The following CALN1 variants were observed in gnomAD, a reference collection of about 807,000 sequenced individuals.
CALN1 encodes calneuron 1.
CALN1 carries 17 observed loss-of-function variants against 30.6 expected under a neutral mutation model. The observed-to-expected ratio is 0.56, with a 90% CI of 0.38 to 0.83. The LOEUF (loss-of-function observed/expected upper bound fraction) is 0.83. Ranked by LOEUF, CALN1 falls within the 40% of genes least tolerant of loss-of-function variation. The pLI is 0.00. For synonymous variants in CALN1, 156 were observed against 131.4 expected, an observed-to-expected ratio of 1.19 and a Z score of -1.28; for missense variants, 291 against 354.9, an observed-to-expected ratio of 0.82 and a Z score of 1.45.
chr7:72,463,596 G>C, the CALN1 span, among the ~76,000 whole-genome samples: 5 of 152,070 alleles, frequency 3.3e-5, no homozygotes, highest in Non-Finnish European at 7.4e-5. Context: ...GTCTCACTCT[G>C]TCTCCCAGAT....
chr7:71,937,627 T>A lies in CALN1; in HGVS notation c.501+86030A>T, dbSNP rs181251136. On this transcript the variant is annotated intron_variant, in intron 5 of 6. Transcript: ENST00000395275. Reference sequence around the variant, plus strand: ...TTAAGCTGTTAGGGCTACAAGTGTGTACCATTACATCCAGCTAATTTTAAA... The same window carrying A: ...TTAAGCTGTTAGGGCTACAAGTGTGAACCATTACATCCAGCTAATTTTAAA... Among the ~76,000 whole-genome samples, 11 of 152,032 alleles carry A rather than the reference T, an allele frequency of 7.2e-5. No individual in the cohort carries two copies. The East Asian group carries it at 2.1e-3, about 29-fold the overall frequency.
chr7:72,169,961 G>A (rs1788821075), intron 3 of CALN1, among the ~76,000 whole-genome samples: 1 of 151,656 alleles, frequency 6.6e-6, no homozygotes, highest in African/African-American at 2.4e-5. Context: ...CCGAAGTGCT[G>A]GGATTACGGG....
chr7:71,857,058 G>A (rs1419766166), intron 5 of CALN1, among the ~76,000 whole-genome samples: 1 of 147,242 alleles, frequency 6.8e-6, no homozygotes, highest in Non-Finnish European at 1.5e-5. Context: ...GTGTGTGTGT[G>A]TTGCAAACTA....
intron 1 of CALN1, among the ~76,000 whole-genome samples, chr7:72,405,991 C>A (rs1344797840): frequency 1.3e-5 from 2 of 152,244 alleles, no homozygotes; most frequent in East Asian, 1.9e-4. Context: ...TGGAACCTGC[C>A]CACAGCTCAA....
chr7:72,041,875 A>G (rs1802153248), intron 4 of CALN1, among the ~76,000 whole-genome samples: 1 of 152,164 alleles, frequency 6.6e-6, no homozygotes. Context: ...GCCTGCCACC[A>G]TGTAAGACGT....
At chr7:72,218,124 G>A (rs953721090) in intron 3 of CALN1, among the ~76,000 whole-genome samples, 1 of 151,508 alleles carries the variant, frequency 6.6e-6, no homozygotes, top group Non-Finnish European at 1.5e-5. Flanking sequence ...TTACAGGCGT[G>A]AGCCACCCCG....
intron 2 of CALN1, among the ~76,000 whole-genome samples, chr7:72,322,886 T>C (rs532912149): frequency 2.0e-5 from 3 of 152,036 alleles, no homozygotes; most frequent in East Asian, 3.9e-4. Flanking sequence ...TATTACACAC[T>C]GCATGCCTGT....
intron 3 of CALN1, among the ~76,000 whole-genome samples, chr7:72,198,004 A>G (rs1361095631): frequency 1.4e-5 from 2 of 141,158 alleles, no homozygotes; most frequent in East Asian, 3.8e-4. Context: ...GAACTCCTGA[A>G]AAAAAAAGGT....
intron 2 of CALN1, among the ~76,000 whole-genome samples, chr7:72,296,661 T>C (rs1239034657): frequency 6.9e-6 from 1 of 143,976 alleles, no homozygotes; most frequent in African/African-American, 2.6e-5. Context: ...GAGGTGTTTG[T>C]AGTATTCTCT....
At chr7:72,411,462 C>G (rs1292301954) in intron 1 of CALN1, among the ~76,000 whole-genome samples, 1 of 152,082 alleles carries the variant, frequency 6.6e-6, no homozygotes, top group East Asian at 1.9e-4. Context: ...ACTCTGAAAT[C>G]TAGTTTGAAT....
At chr7:72,414,973 A>C (rs144396317), upstream of CALN1, among the ~76,000 whole-genome samples, 206 of 152,328 alleles carry the variant, frequency 1.4e-3, 1 homozygote, top group African/African-American at 4.0e-3. Context: ...TGAAACCCTA[A>C]TCCAATTGGA....
chr7:72,176,253 G>A (rs1052393239), intron 3 of CALN1, among the ~76,000 whole-genome samples: 5 of 152,162 alleles, frequency 3.3e-5, no homozygotes, highest in South Asian at 2.1e-4. Context: ...GGCAGACCAG[G>A]GCTTTGGAAG....
In CALN1 at chr7:71,779,580, T is replaced by G. The variant is rs1792609625; in HGVS notation, c.*8195A>C. The G allele has an allele frequency of 6.6e-6, 1 of 152,212 alleles. No individual in the cohort carries two copies. Among genetic ancestry groups the G allele is most frequent in the Non-Finnish European group, 1.5e-5 (1 of 68,050 alleles). The allele number at this position is 152,212 out of a possible 1,614,324, so 9.4% of individuals were successfully genotyped here. A position where few individuals can be genotyped will look rare whatever the true frequency, so the allele number is the denominator to read the frequency against. On this transcript the variant is annotated 3_prime_UTR_variant, in exon 7 of 7. Transcript: ENST00000395275. ...TACAGATTATATATTTACAGACAAG[T>G]TCGGTTAAAGAAAACATCTGGTAAA...
intron 5 of CALN1, among the ~76,000 whole-genome samples, chr7:71,975,695 G>A (rs971331964): frequency 2.0e-5 from 3 of 151,796 alleles, no homozygotes; most frequent in Non-Finnish European, 2.9e-5. Flanking sequence ...TTCCAAAAGC[G>A]CTGGGATGAT....
intron 5 of CALN1, among the ~76,000 whole-genome samples, chr7:72,012,476 C>T (rs998124742): frequency 6.6e-6 from 1 of 152,224 alleles, no homozygotes; most frequent in Non-Finnish European, 1.5e-5. Flanking sequence ...CGTGCCACTG[C>T]ACTCCAGCCT....
At chr7:71,933,255 T>C (rs564412274) in intron 5 of CALN1, among the ~76,000 whole-genome samples, 71 of 151,918 alleles carry the variant, frequency 4.7e-4, no homozygotes, top group Non-Finnish European at 9.3e-4. Context: ...ATAATAAGAG[T>C]AGGGTGAGGT....
chr7:72,225,948 T>C (rs1378926356), intron 3 of CALN1, among the ~76,000 whole-genome samples: 2 of 151,716 alleles, frequency 1.3e-5, no homozygotes, highest in Non-Finnish European at 2.9e-5. Context: ...ATACAAAAAT[T>C]AGCCGGGTGT....
chr7:72,188,782 G>C (rs1267902402), intron 3 of CALN1, among the ~76,000 whole-genome samples: 2 of 152,162 alleles, frequency 1.3e-5, no homozygotes. Flanking sequence ...TTAGGATAGA[G>C]CCGTTGTGTA....
rs56215476 is a variant in CALN1, at chr7:71,905,396, T to TA, written c.502-94905dup. ...CCTAATGTGTAGTTTTTTTTTTTTT[T>TA]ATCTCTATCCCCCCTCCTACCCTCT... is the stretch of plus-strand genomic sequence containing the variant. On this transcript the variant is annotated intron_variant, in intron 5 of 6. Transcript: ENST00000395275. Among the ~76,000 whole-genome samples, 12 of 149,900 alleles carry TA rather than the reference T, an allele frequency of 8.0e-5. No homozygotes were observed. In the East Asian group the frequency reaches 1.7e-3, roughly 21 times the overall value.
Sources: gnomAD v4.1 joint callset for allele counts (sites outside exome capture counted in the v4.1 genomes callset) on GRCh38, gnomAD v4.1.1 for gene constraint, MANE v1.5 for transcripts, NCBI Gene and HGNC (gene_info 2026-07-23, HGNC 2026-07-21) for gene names.